WDR35: variants seen among roughly 807,000 people sequenced by gnomAD.
WDR35 encodes the protein WD repeat-containing protein 35.
Under a neutral mutation model 158.3 loss-of-function variants are expected in WDR35, and 118 were observed. The observed-to-expected ratio is 0.75, with a 90% CI of 0.64 to 0.87. WDR35 has a LOEUF of 0.87. Ranked by LOEUF, WDR35 falls within the 40% of genes least tolerant of loss-of-function variation. The pLI is 0.00. For missense variants in WDR35, 1,263 were observed against 1,405.8 expected, an observed-to-expected ratio of 0.90 and a Z score of 1.62; for synonymous variants, 448 against 476.1, an observed-to-expected ratio of 0.94 and a Z score of 0.77.
intron 4 of WDR35, among the ~76,000 whole-genome samples, chr2:19,979,564 C>T (rs1672318976): frequency 6.6e-6 from 1 of 152,090 alleles, no homozygotes; most frequent in South Asian, 2.1e-4. Context: ...AAAAAATAGG[C>T]TATTTTGTTT....
chr2:19,913,684 G>T lies in WDR35; in HGVS notation c.3387C>A (p.Cys1129Ter), dbSNP rs989358660. The change falls in exon 27 of 27, where the codon TGC becomes TGA. Residue 1129 changes from cysteine to a stop codon, truncating the protein, a stop_gained. Transcript: ENST00000281405. LOFTEE classifies it high-confidence loss of function. ...MEGGEGKLPT[C>*]VATGSPITEY... ...CAGTGATTGGGCTTCCTGTGGCAAC[G>T]CATGTTGGCAGTTTCCCTTCTCCAC... The T allele has an allele frequency of 1.2e-6, 2 of 1,613,856 alleles. No individual in the cohort carries two copies. The highest frequency in any genetic ancestry group is 1.7e-6 in the Non-Finnish European group (2 of 1,179,962).
At chr2:19,981,884 A>G (rs1268232215) in intron 3 of WDR35, among the ~76,000 whole-genome samples, 1 of 152,184 alleles carries the variant, frequency 6.6e-6, no homozygotes, top group Non-Finnish European at 1.5e-5. Flanking sequence ...TACAACATCC[A>G]TAGACAGGAG....
intron 14 of WDR35, among the ~76,000 whole-genome samples, chr2:19,947,348 G>A (rs1044297458): frequency 6.6e-6 from 1 of 152,120 alleles, no homozygotes; most frequent in Non-Finnish European, 1.5e-5. Context: ...GAATACTATA[G>A]AAATACTATG....
At chr2:19,921,658 A>G (rs953960041) in intron 25 of WDR35, among the ~76,000 whole-genome samples, 3 of 152,256 alleles carry the variant, frequency 2.0e-5, no homozygotes, top group Non-Finnish European at 4.4e-5. Context: ...CATTCAGGAC[A>G]TAGGCATGGG....
chr2:19,984,053 AC>A, intron 2 of WDR35, among the ~76,000 whole-genome samples: 1 of 146,366 alleles, frequency 6.8e-6, no homozygotes, highest in South Asian at 2.2e-4. Context: ...ATATATACAC[AC>A]ACCCACATAT....
chr2:19,950,012 G>T (rs928811417), intron 13 of WDR35, among the ~76,000 whole-genome samples: 2 of 152,078 alleles, frequency 1.3e-5, no homozygotes, highest in African/African-American at 4.8e-5. Context: ...ATGTTATTCA[G>T]AAATTGAAAA....
rs529633664 is a variant in WDR35 at position 19,975,090 on chromosome 2, T to C, written c.570+440A>G. On this transcript the variant is annotated intron_variant, in intron 6 of 26. Transcript: ENST00000281405. ...TTCTATTTTACCTTCTTTCCAGGGA[T>C]TGATTTTTCTCACTTACCATTTAAG... Among the ~76,000 whole-genome samples the C allele has an allele frequency of 2.6e-5, 4 of 152,350 alleles. No homozygotes were observed. The South Asian group carries it at 8.3e-4, about 32-fold the overall frequency.
At chr2:19,930,800 T>A (rs779185234) in intron 24 of WDR35, among the ~76,000 whole-genome samples, 3 of 152,176 alleles carry the variant, frequency 2.0e-5, no homozygotes, top group Non-Finnish European at 2.9e-5. Context: ...TAAGCCTCCC[T>A]AGTCACTGAG....
chr2:19,933,643 C>T (rs528177249), intron 21 of WDR35, 132 bp from the exon 22 acceptor site: 241 of 745,690 alleles, frequency 3.2e-4, no homozygotes, highest in Non-Finnish European at 3.2e-4. Context: ...TGTAAACAGA[C>T]GCAAGGGCAG....
At chr2:19,953,773 C>T (rs1572343781) in intron 12 of WDR35, 61 bp downstream of exon 12, 1 of 1,606,330 alleles carries the variant, frequency 6.2e-7, no homozygotes, top group East Asian at 2.2e-5. Flanking sequence ...TTTACAATTA[C>T]TATGTCTGAC....
chr2:19,916,829 C>A (rs1213046952), intron 25 of WDR35, among the ~76,000 whole-genome samples: 1 of 152,212 alleles, frequency 6.6e-6, no homozygotes, highest in African/African-American at 2.4e-5. Flanking sequence ...CCCTACCTGG[C>A]AGCTCTGAAG....
At chr2:19,960,362 A>G (rs1260212225) in intron 11 of WDR35, among the ~76,000 whole-genome samples, 192 bp downstream of exon 11, 5 of 152,122 alleles carry the variant, frequency 3.3e-5, no homozygotes, top group Non-Finnish European at 7.4e-5. Flanking sequence ...TACTTTTGAG[A>G]GTAAAATGGG....
At chr2:19,963,662 G>T (rs771772832) in intron 10 of WDR35, among the ~76,000 whole-genome samples, 6 of 152,024 alleles carry the variant, frequency 3.9e-5, no homozygotes, top group Non-Finnish European at 7.4e-5. Context: ...CCTAAGATAG[G>T]GAAGCTTGGA....
chr2:19,914,246 G>T lies in WDR35; in HGVS notation c.3153C>A (p.Ile1051=), dbSNP rs1244561881. 1.2e-6 allele frequency: 2 copies of T among 1,613,890 alleles called. No homozygotes were observed. The highest frequency in any genetic ancestry group is 2.2e-5 in the South Asian group (2 of 91,058). The change falls in exon 26 of 27, where the codon ATC becomes ATA. Residue 1051 remains isoleucine, a synonymous_variant. Transcript: ENST00000281405. ...GCAGAGAGTAGATCTCCACAGGAGG[G>T]ATGATGTCTTCATAGTCTTTCAGGT... ...ALHLKDYEDI[I]PPVEIYSLLA... is the part of the protein sequence containing the mutation.
At chr2:19,982,978 A>G (rs903340508) in intron 2 of WDR35, among the ~76,000 whole-genome samples, 1 of 152,212 alleles carries the variant, frequency 6.6e-6, no homozygotes, top group Non-Finnish European at 1.5e-5. Context: ...TGTGCTATGC[A>G]TTACAAAAGG....
intron 2 of WDR35, among the ~76,000 whole-genome samples, chr2:19,983,009 A>G (rs186257190): frequency 6.6e-6 from 1 of 152,354 alleles, no homozygotes; most frequent in Admixed American, 6.5e-5. Context: ...AAAATGGTGA[A>G]CAAAACAGTC....
At chr2:19,928,279 T>C (rs2103393560) in intron 25 of WDR35, among the ~76,000 whole-genome samples, 1 of 152,366 alleles carries the variant, frequency 6.6e-6, no homozygotes, top group African/African-American at 2.4e-5. Flanking sequence ...TTTCAGCCCA[T>C]CCCTTCGTTT....
chr2:19,943,198 G>A (rs1670932004), intron 16 of WDR35, among the ~76,000 whole-genome samples: 1 of 152,040 alleles, frequency 6.6e-6, no homozygotes, highest in South Asian at 2.1e-4. Context: ...AAGCAAACAA[G>A]AAAAGGCAGA....
chr2:19,945,681 G>T, intron 16 of WDR35, 105 bp downstream of exon 16: 2 of 1,209,528 alleles, frequency 1.7e-6, no homozygotes, highest in Non-Finnish European at 2.4e-6. Flanking sequence ...AGCCGTGTTG[G>T]CACTGCTATT....
Sources: gnomAD v4.1 joint callset for allele counts (sites outside exome capture counted in the v4.1 genomes callset) on GRCh38, gnomAD v4.1.1 for gene constraint, MANE v1.5 for transcripts, NCBI Gene and HGNC (gene_info 2026-07-23, HGNC 2026-07-21) for gene names.